Variants in KIN observed in about 807,000 individuals in gnomAD.
The protein encoded by KIN is DNA/RNA-binding protein KIN17.
In KIN, 47 loss-of-function variants were observed where a neutral mutation model predicts 63.0. The ratio of observed to expected loss-of-function variants is 0.75; its 90% confidence interval spans 0.59 to 0.95. The LOEUF (loss-of-function observed/expected upper bound fraction) is 0.95, where lower values mean the gene tolerates loss of function less well. KIN is among the 40% of genes least tolerant of loss of function. The probability of loss-of-function intolerance (pLI) is 0.00; values close to 1 mark genes in which losing one functional copy is unlikely to be tolerated. For missense variants in KIN, 408 were observed against 460.9 expected (o/e 0.89, Z 1.05); for synonymous variants, 160 against 157.7 (o/e 1.01, Z -0.11).
chr10:7,779,996 T>C (rs1019259210), intron 4 of KIN, 60 bp downstream of exon 4: 30 of 1,557,116 alleles, frequency 1.9e-5, no homozygotes, highest in Admixed American at 5.5e-5. Flanking sequence ...ATCCCAAACA[T>C]CTCATCCTAT....
At chr10:7,783,649 G>A (rs548011659) in intron 1 of KIN, among the ~76,000 whole-genome samples, 50 of 151,948 alleles carry the variant, frequency 3.3e-4, no homozygotes, top group Non-Finnish European at 5.7e-4. Context: ...TATTAACCTT[G>A]TTAAACATAT....
At chr10:7,775,600 T>G in intron 6 of KIN, 151 bp downstream of exon 6, 1 of 436,938 alleles carries the variant, frequency 2.3e-6, no homozygotes, top group South Asian at 3.2e-5. Flanking sequence ...ATCAATTCAT[T>G]AGTATTACCT....
At chr10:7,762,581 A>G in intron 10 of KIN, 25 bp from the exon 11 acceptor site, 1 of 1,330,128 alleles carries the variant, frequency 7.5e-7, no homozygotes, top group South Asian at 1.2e-5. Context: ...GAACACTTTT[A>G]TAATAGAAGA....
rs185059168 is a variant in KIN at position 7,764,989 on chromosome 10, G to A, written c.849+1064C>T. On this transcript the variant is annotated intron_variant, in intron 9 of 12. Transcript: ENST00000379562. ...AGCCTGACCAACATGGAGAAACCCC[G>A]TCTCTACTAAAAATACAAAATTAAC... Among the ~76,000 whole-genome samples, 270 of 151,962 alleles carry A rather than the reference G, an allele frequency of 1.8e-3. 1 individual carries two copies. Among genetic ancestry groups the A allele is most frequent in the African/African-American group, 6.2e-3 (259 of 41,456 alleles).
At chr10:7,770,239 A>G (rs2131006637) in intron 7 of KIN, among the ~76,000 whole-genome samples, 1 of 152,172 alleles carries the variant, frequency 6.6e-6, no homozygotes, top group East Asian at 1.9e-4. Flanking sequence ...CTGACAGTGT[A>G]AATTCTAAAT....
At chr10:7,781,069 C>T (rs117005361) in intron 2 of KIN, among the ~76,000 whole-genome samples, 1,575 of 152,258 alleles carry the variant, frequency 0.01, 20 homozygotes, top group Middle Eastern at 0.014. Context: ...TAAATCTTAA[C>T]CTTCAAGGAG....
chr10:7,785,768 C>A (rs1377311287), intron 1 of KIN, among the ~76,000 whole-genome samples: 1 of 149,282 alleles, frequency 6.7e-6, no homozygotes, highest in Non-Finnish European at 1.5e-5. Flanking sequence ...GAGCTGAGAT[C>A]GCATCACTGC....
intron 2 of KIN, among the ~76,000 whole-genome samples, 171 bp from the exon 3 acceptor site, chr10:7,780,478 T>A (rs1835875012): frequency 6.6e-6 from 1 of 152,124 alleles, no homozygotes; most frequent in Non-Finnish European, 1.5e-5. Flanking sequence ...CATTGCAACC[T>A]CCACTTCCCA....
At chr10:7,758,186 C>T (rs1257570345) in intron 12 of KIN, among the ~76,000 whole-genome samples, 4 of 151,784 alleles carry the variant, frequency 2.6e-5, no homozygotes, top group African/African-American at 4.8e-5. Flanking sequence ...GATTCTCCTG[C>T]CTCAGTCTCC....
chr10:7,757,210 G>C (rs1835347413), intron 12 of KIN, among the ~76,000 whole-genome samples: 1 of 152,146 alleles, frequency 6.6e-6, no homozygotes, highest in Non-Finnish European at 1.5e-5. Flanking sequence ...TTTAAAATTT[G>C]AGAGTTGGGT....
chr10:7,771,882 C>T (rs1306332706), intron 7 of KIN, among the ~76,000 whole-genome samples: 1 of 130,838 alleles, frequency 7.6e-6, no homozygotes, highest in African/African-American at 2.9e-5. Flanking sequence ...GCAACAAGAG[C>T]GAAATTCCGT....
In KIN at chr10:7,778,718, G is replaced by A. The variant is rs561036398; in HGVS notation, c.558+120C>T. On this transcript the variant is annotated intron_variant, in intron 5 of 12. Transcript: ENST00000379562. Reference sequence around the variant, plus strand: ...TGCGCTACTGCACTCCAGCCTGGGCGGCAGAGCAAGACTCCATCTCCAAAA... The same window carrying A: ...TGCGCTACTGCACTCCAGCCTGGGCAGCAGAGCAAGACTCCATCTCCAAAA... The A allele has an allele frequency of 2.3e-4, 236 of 1,021,514 alleles. 1 individual carries two copies. Among genetic ancestry groups the A allele is most frequent in the Non-Finnish European group, 1.3e-4 (88 of 684,462 alleles). The allele number at this position is 1,021,514 out of a possible 1,614,324, so 63.3% of individuals were successfully genotyped here.
intron 10 of KIN, among the ~76,000 whole-genome samples, chr10:7,762,850 T>C (rs1425788170): frequency 2.0e-5 from 3 of 152,126 alleles, no homozygotes; most frequent in African/African-American, 4.8e-5. Flanking sequence ...CCTAGCTTAA[T>C]GTACAGTGGA....
intron 9 of KIN, among the ~76,000 whole-genome samples, chr10:7,765,159 C>CAAAAAAA (rs35343111): frequency 2.1e-5 from 2 of 93,304 alleles, no homozygotes; most frequent in South Asian, 9.3e-4. Flanking sequence ...AACTCCATCT[C>CAAAAAAA]AAAAAAAAAA....
Position 7,751,120 on chromosome 10 carries a change from C to G in KIN, c.*4960G>C, listed in dbSNP as rs1835239244. 6.6e-6 allele frequency: 1 copy of G among 152,158 alleles called. No homozygotes were observed. Among genetic ancestry groups the G allele is most frequent in the Non-Finnish European group, 1.5e-5 (1 of 68,022 alleles). 9.4% of individuals were successfully genotyped at this position (152,158 alleles called of 1,614,324 possible). A position where few individuals can be genotyped will look rare whatever the true frequency, so the allele number is the denominator to read the frequency against. ...TGCATTTGTATAGTGGATTTTGGTG[C>G]TAAGATGCAAGTCTGAACCAGTGTA... On this transcript the variant is annotated 3_prime_UTR_variant, in exon 13 of 13. Coordinates refer to ENST00000379562, the MANE Select transcript of KIN (RefSeq NM_012311.4).
chr10:7,774,793 C>A (rs746719050), intron 7 of KIN, 38 bp downstream of exon 7: 1 of 1,508,592 alleles, frequency 6.6e-7, no homozygotes, highest in Non-Finnish European at 9.2e-7. Flanking sequence ...TCACAAAAAT[C>A]CTAATGTTTT....
At chr10:7,759,672 G>T (rs563199663) in intron 12 of KIN, among the ~76,000 whole-genome samples, 8 of 151,864 alleles carry the variant, frequency 5.3e-5, no homozygotes, top group East Asian at 1.9e-4. Flanking sequence ...TATGTTTTTT[G>T]GGGTTTTATG....
At chr10:7,786,254 T>C (rs1007403111) in intron 1 of KIN, among the ~76,000 whole-genome samples, 4 of 152,190 alleles carry the variant, frequency 2.6e-5, no homozygotes, top group African/African-American at 9.7e-5. Flanking sequence ...GTGTATTAGA[T>C]GATAAAGAGG....
chr10:7,777,545 A>C (rs188363043), intron 5 of KIN, among the ~76,000 whole-genome samples: 86 of 152,328 alleles, frequency 5.6e-4, no homozygotes, highest in Non-Finnish European at 1.1e-3. Flanking sequence ...TTCAAAAAAC[A>C]CTCAGTTTCA....
Sources: gnomAD v4.1 joint callset for allele counts (sites outside exome capture counted in the v4.1 genomes callset) on GRCh38, gnomAD v4.1.1 for gene constraint, MANE v1.5 for transcripts, NCBI Gene and HGNC (gene_info 2026-07-23, HGNC 2026-07-21) for gene names.